The following ROBO2 variants were observed in gnomAD, a reference collection of about 807,000 sequenced individuals.
ROBO2 encodes roundabout homolog 2.
ROBO2 carries 53 observed loss-of-function variants against 160.8 expected under a neutral mutation model. The observed-to-expected ratio is 0.33, with a 90% CI of 0.26 to 0.41. The LOEUF (loss-of-function observed/expected upper bound fraction) is 0.41. Ranked by LOEUF, ROBO2 falls within the 10% of genes least tolerant of loss-of-function variation. The probability of loss-of-function intolerance (pLI) is 1.00; values close to 1 mark genes in which losing one functional copy is unlikely to be tolerated. For missense variants in ROBO2, 1,577 were observed against 1,722.4 expected (o/e 0.92, Z 1.49); for synonymous variants, 664 against 611.7 (o/e 1.09, Z -1.26).
intron 2 of ROBO2, among the ~76,000 whole-genome samples, chr3:76,518,999 A>G (rs2081471034): frequency 6.6e-6 from 1 of 152,184 alleles, no homozygotes; most frequent in Non-Finnish European, 1.5e-5. Flanking sequence ...AGAGGGAATA[A>G]AACTAACTCA....
intron 2 of ROBO2, among the ~76,000 whole-genome samples, chr3:77,416,409 C>G (rs944633528): frequency 2.6e-5 from 4 of 152,084 alleles, no homozygotes; most frequent in African/African-American, 9.7e-5. Flanking sequence ...GAGACCTGTC[C>G]CTTTCTGCCC....
rs576961051 is a variant in ROBO2, at chr3:76,582,064, C to A, written c.110-515950C>A. ...AGGGTCAAAAGTGACTCCTAGGTTT[C>A]TGCCAAAGTGAAAAGGAAAATGGTG... is the stretch of plus-strand genomic sequence containing the variant. On this transcript the variant is annotated intron_variant, in intron 2 of 26. Transcript: ENST00000487694. Among the ~76,000 whole-genome samples, 79 of 152,210 alleles carry A rather than the reference C, an allele frequency of 5.2e-4. 1 individual carries two copies. The highest frequency in any genetic ancestry group is 3.9e-3 in the Admixed American group (59 of 15,278).
intron 2 of ROBO2, among the ~76,000 whole-genome samples, chr3:76,038,688 A>G (rs2067190345): frequency 6.6e-6 from 1 of 151,912 alleles, no homozygotes; most frequent in Non-Finnish European, 1.5e-5. Flanking sequence ...AGAGAATTCC[A>G]TAAAAGACAT....
At chr3:76,103,753 G>T (rs1249233223) in intron 2 of ROBO2, among the ~76,000 whole-genome samples, 1 of 152,186 alleles carries the variant, frequency 6.6e-6, no homozygotes, top group East Asian at 1.9e-4. Flanking sequence ...AATCTACGCA[G>T]GTGTTGTACT....
chr3:77,093,764 C>T lies in ROBO2; in HGVS notation c.62-4250C>T, dbSNP rs188437068. ...ATGTCTATCTTTCTAATCTATCTTT[C>T]TCTCTCTCTCTCTAATCTATCTATC... On this transcript the variant is annotated intron_variant, in intron 1 of 25. Coordinates refer to ENST00000461745, the Ensembl canonical transcript of ROBO2. Among the ~76,000 whole-genome samples the T allele has an allele frequency of 6.9e-3, 1,046 of 151,330 alleles. 8 individuals are homozygous for T. The highest frequency in any genetic ancestry group is 0.01 in the Non-Finnish European group (683 of 67,762).
chr3:76,681,684 A>G (rs1392725996), intron 2 of ROBO2, among the ~76,000 whole-genome samples: 1 of 152,184 alleles, frequency 6.6e-6, no homozygotes, highest in Non-Finnish European at 1.5e-5. Context: ...ACAAGAGAGT[A>G]TGGAGATTTG....
intron 2 of ROBO2, among the ~76,000 whole-genome samples, chr3:77,321,581 T>C (rs2064706742): frequency 6.6e-6 from 1 of 151,982 alleles, no homozygotes. Context: ...AGAGAGGCGA[T>C]AGAATCACTA....
At chr3:76,770,846 C>T (rs750874931) in intron 2 of ROBO2, among the ~76,000 whole-genome samples, 2 of 151,130 alleles carry the variant, frequency 1.3e-5, no homozygotes, top group African/African-American at 2.4e-5. Context: ...AAGTTAGTGC[C>T]GGCCATCGGT....
At chr3:76,321,709 A>G (rs1287324982) in intron 2 of ROBO2, among the ~76,000 whole-genome samples, 2 of 152,120 alleles carry the variant, frequency 1.3e-5, no homozygotes, top group Admixed American at 6.5e-5. Context: ...GAAAATAACA[A>G]CAGAGTCAGT....
rs1021528954 is a variant in ROBO2 at position 76,106,569 on chromosome 3, C to T, written c.109+168967C>T. Among the ~76,000 whole-genome samples the T allele has an allele frequency of 3.3e-5, 5 of 152,094 alleles. No homozygotes were observed. The East Asian group carries it at 9.7e-4, about 29-fold the overall frequency. On this transcript the variant is annotated intron_variant, in intron 2 of 26. Transcript: ENST00000487694. ...GGGTTTCGAGCCATGGATTATGTAC[C>T]TTCAGAGACCAGATAAATTTACTCT...
At chr3:76,543,947 A>T (rs2082951676) in intron 2 of ROBO2, among the ~76,000 whole-genome samples, 2 of 152,090 alleles carry the variant, frequency 1.3e-5, no homozygotes, top group South Asian at 4.1e-4. Context: ...AAAATATGCT[A>T]GAATAATCCT....
At chr3:77,112,653 G>C (rs1042800079) in intron 2 of ROBO2, among the ~76,000 whole-genome samples, 1 of 151,992 alleles carries the variant, frequency 6.6e-6, no homozygotes. Context: ...GTTCCTACCC[G>C]GCACCTCAAG....
intron 13 of ROBO2, among the ~76,000 whole-genome samples, 192 bp downstream of exon 14, chr3:77,568,626 T>C (rs1255929879): frequency 1.3e-5 from 2 of 152,082 alleles, no homozygotes; most frequent in Admixed American, 6.6e-5. Context: ...GATTATTATA[T>C]AAACATGGCA....
At chr3:76,472,966 C>T (rs1250798267) in intron 2 of ROBO2, among the ~76,000 whole-genome samples, 2 of 152,132 alleles carry the variant, frequency 1.3e-5, no homozygotes, top group East Asian at 1.9e-4. Context: ...GTCAAAGAAT[C>T]GAGAAGACTA....
intron 2 of ROBO2, among the ~76,000 whole-genome samples, chr3:76,322,489 G>A (rs1018043230): frequency 2.6e-5 from 4 of 151,822 alleles, no homozygotes; most frequent in Non-Finnish European, 5.9e-5. Flanking sequence ...AAGATTTACT[G>A]TTATAATTTT....
intron 2 of ROBO2, among the ~76,000 whole-genome samples, chr3:77,100,062 C>T (rs1042526171): frequency 3.3e-5 from 5 of 151,934 alleles, no homozygotes; most frequent in African/African-American, 1.2e-4. Context: ...TAAAAATTGA[C>T]CTGTCATTTT....
chr3:77,616,568 G>A (rs1250777269), intron 21 of ROBO2, among the ~76,000 whole-genome samples: 1 of 152,142 alleles, frequency 6.6e-6, no homozygotes, highest in Non-Finnish European at 1.5e-5. Flanking sequence ...GAGTGGGGGT[G>A]AAGTTTGGAG....
chr3:76,122,934 A>G (rs1193205528), intron 2 of ROBO2, among the ~76,000 whole-genome samples: 1 of 152,142 alleles, frequency 6.6e-6, no homozygotes, highest in Non-Finnish European at 1.5e-5. Flanking sequence ...TTTTTAGTAG[A>G]GACGGGGTTT....
intron 2 of ROBO2, among the ~76,000 whole-genome samples, chr3:76,223,049 G>C (rs1045681337): frequency 6.6e-6 from 1 of 151,430 alleles, no homozygotes; most frequent in South Asian, 2.1e-4. Context: ...GCCACCGCAC[G>C]CAGCCCTTAT....
Sources: allele counts gnomAD v4.1 joint callset (sites outside exome capture counted in the v4.1 genomes callset), GRCh38; gene constraint gnomAD v4.1.1; transcripts MANE v1.5; gene names NCBI Gene and HGNC (gene_info 2026-07-23, HGNC 2026-07-21).